GNS: variants seen among roughly 807,000 people sequenced by gnomAD.
GNS encodes the protein glucosamine (N-acetyl)-6-sulfatase.
A neutral mutation model predicts 69.7 loss-of-function variants in GNS; 40 were observed. That is an observed-to-expected ratio of 0.57 (90% CI 0.45 to 0.75). The LOEUF is 0.75. GNS is among the 30% of genes least tolerant of loss of function. The pLI, the probability that GNS is intolerant of heterozygous loss-of-function variation, is 0.00. For synonymous variants in GNS, 243 were observed against 251.6 expected, an observed-to-expected ratio of 0.97 and a Z score of 0.32; for missense variants, 565 against 685.5, an observed-to-expected ratio of 0.82 and a Z score of 1.96.
intron 2 of GNS, 93 bp from the exon 3 acceptor site, chr12:64,748,011 C>T: frequency 1.3e-6 from 1 of 766,888 alleles, no homozygotes; most frequent in Non-Finnish European, 2.4e-6. Context: ...CTCCTTAATA[C>T]TCTAACTTCA....
At chr12:64,734,106 C>T (rs1044041530) in intron 9 of GNS, among the ~76,000 whole-genome samples, 5 of 152,144 alleles carry the variant, frequency 3.3e-5, no homozygotes, top group African/African-American at 4.8e-5. Context: ...CCATCGTCTC[C>T]GACATTCTTT....
chr12:64,752,572 T>G, intron 2 of GNS, 126 bp downstream of exon 2: 1 of 657,646 alleles, frequency 1.5e-6, no homozygotes, highest in African/African-American at 1.8e-5. Flanking sequence ...AATAAATCCT[T>G]CCTTCAGATC....
At chr12:64,758,937 C>A in intron 1 of GNS, 148 bp downstream of exon 1, 1 of 718,912 alleles carries the variant, frequency 1.4e-6, no homozygotes, top group Non-Finnish European at 2.5e-6. Flanking sequence ...CTTACACCGG[C>A]ATAAAGGGCC....
At position 64,756,867 on chromosome 12, in the gene GNS, GA is replaced by G. The variant is rs1184850633; in HGVS notation, c.192+2217del. ...CAGTAGAAACACTTATTAAAAAAAA[GA>G]ATCTGGGCCGAGACAGTGGCTCATG... On this transcript the variant is annotated intron_variant, in intron 1 of 13. Coordinates refer to ENST00000258145, the MANE Select transcript of GNS (RefSeq NM_002076.4). 4.8e-6 allele frequency: 3 copies of G among 627,150 alleles called. No individual in the cohort carries two copies. The East Asian group carries it at 8.6e-5, about 18-fold the overall frequency. 38.8% of individuals were successfully genotyped at this position (627,150 alleles called of 1,614,324 possible). A position where few individuals can be genotyped will look rare whatever the true frequency, so the allele number is the denominator to read the frequency against.
intron 5 of GNS, among the ~76,000 whole-genome samples, chr12:64,743,871 C>T (rs1254493100): frequency 2.0e-5 from 3 of 152,208 alleles, no homozygotes; most frequent in Non-Finnish European, 4.4e-5. Flanking sequence ...AAAATGAAAG[C>T]ATGCTACATA....
At chr12:64,753,097 T>A (rs1038638556) in intron 1 of GNS, 1 of 305,026 alleles carries the variant, frequency 3.3e-6, no homozygotes, top group Non-Finnish European at 6.1e-6. Flanking sequence ...ATGTGGGAAA[T>A]GATATAAAGG....
At position 64,751,951 on chromosome 12, in the gene GNS, C is replaced by CAAAA. The variant is rs570528616; in HGVS notation, c.252+743_252+746dup. ...TGCAGTGAGTCGAGATTGCGCCACT[C>CAAAA]AAAAAAAAAAAAAAAAAAAGAAGAA... On this transcript the variant is annotated intron_variant, in intron 2 of 13. Coordinates refer to ENST00000258145, the MANE Select transcript of GNS (RefSeq NM_002076.4). 6.6e-3 allele frequency among the ~76,000 whole-genome samples: 426 copies of CAAAA among 64,760 alleles called. 1 individual carries two copies. Among genetic ancestry groups the CAAAA allele is most frequent in the African/African-American group, 0.026 (411 of 15,730 alleles). The allele number at this position is 64,760 out of a possible 152,430, so 42.5% of individuals were successfully genotyped here. A position where few individuals can be genotyped will look rare whatever the true frequency, so the allele number is the denominator to read the frequency against.
At chr12:64,754,851 T>C (rs1201012738) in intron 1 of GNS, among the ~76,000 whole-genome samples, 2 of 150,668 alleles carry the variant, frequency 1.3e-5, no homozygotes, top group Non-Finnish European at 2.9e-5. Flanking sequence ...ACTGCACCAC[T>C]GCAATCTAGC....
At chr12:64,724,029 G>A (rs906790248) in intron 10 of GNS, among the ~76,000 whole-genome samples, 3 of 152,196 alleles carry the variant, frequency 2.0e-5, no homozygotes. Context: ...ATTCATAACA[G>A]TCAAAAAGTG....
chr12:64,714,217 G>A lies in GNS; in HGVS notation c.*2524C>T, dbSNP rs889348909. 2.0e-5 allele frequency: 3 copies of A among 152,212 alleles called. No individual in the cohort carries two copies. The highest frequency in any genetic ancestry group is 4.4e-5 in the Non-Finnish European group (3 of 68,054). 9.4% of individuals were successfully genotyped at this position (152,212 alleles called of 1,614,324 possible). Reference sequence around the variant, plus strand: ...TACTTTGCATGAGAGGGAGAGCTTTGTAACAGGAAATTGTATAAGGCAAAC... The same window carrying A: ...TACTTTGCATGAGAGGGAGAGCTTTATAACAGGAAATTGTATAAGGCAAAC... On this transcript the variant is annotated 3_prime_UTR_variant, in exon 14 of 14. Coordinates refer to ENST00000258145, the MANE Select transcript of GNS (RefSeq NM_002076.4).
At position 64,742,076 on chromosome 12, in the gene GNS, A is replaced by G. The variant is rs550889376; in HGVS notation, c.792+1065T>C. On this transcript the variant is annotated intron_variant, in intron 6 of 13. Coordinates refer to ENST00000258145, the MANE Select transcript of GNS (RefSeq NM_002076.4). Reference sequence around the variant, plus strand: ...TGCACTGTTTCCCAGGCTGGAGTGCAGTGGTGCGATCTCGGCTCACGGCAA... The same window carrying G: ...TGCACTGTTTCCCAGGCTGGAGTGCGGTGGTGCGATCTCGGCTCACGGCAA... 2.0e-5 allele frequency among the ~76,000 whole-genome samples: 3 copies of G among 152,002 alleles called. No homozygotes were observed. In the South Asian group the frequency reaches 6.2e-4, roughly 32 times the overall value.
At chr12:64,729,099 T>C in intron 9 of GNS, 42 bp from the exon 10 acceptor site, 1 of 1,052,464 alleles carries the variant, frequency 9.5e-7, no homozygotes, top group Non-Finnish European at 1.5e-6. Context: ...ACAGCTGGTC[T>C]CATTTTCCTT....
intron 10 of GNS, among the ~76,000 whole-genome samples, chr12:64,723,589 T>C (rs1869101496): frequency 6.6e-6 from 1 of 152,222 alleles, no homozygotes; most frequent in Admixed American, 6.5e-5. Flanking sequence ...CACCTCTTGA[T>C]GGTCAGAATG....
At chr12:64,754,847 C>T (rs1346820297) in intron 1 of GNS, among the ~76,000 whole-genome samples, 2 of 151,408 alleles carry the variant, frequency 1.3e-5, no homozygotes, top group Admixed American at 6.6e-5. Context: ...TATGACTGCA[C>T]CACTGCAATC....
intron 9 of GNS, among the ~76,000 whole-genome samples, chr12:64,730,365 CAA>C (rs1003089374): frequency 3.4e-5 from 3 of 87,680 alleles, no homozygotes; most frequent in Non-Finnish European, 6.8e-5. Flanking sequence ...GGAGATAAAA[CAA>C]AACAAAAACA....
At chr12:64,741,343 T>C (rs1031483221) in intron 6 of GNS, among the ~76,000 whole-genome samples, 3 of 151,596 alleles carry the variant, frequency 2.0e-5, no homozygotes, top group African/African-American at 4.8e-5. Context: ...TGGAGTACAG[T>C]GGCACGATCT....
intron 10 of GNS, among the ~76,000 whole-genome samples, chr12:64,726,408 G>A (rs1405764396): frequency 6.6e-6 from 1 of 152,164 alleles, no homozygotes; most frequent in Non-Finnish European, 1.5e-5. Context: ...GGACTTGGAT[G>A]TAAGAGGCAG....
intron 9 of GNS, chr12:64,729,275 C>T: frequency 1.9e-6 from 1 of 536,768 alleles, no homozygotes. Flanking sequence ...AGTATATCCC[C>T]CTGGCAAGTT....
At chr12:64,730,240 A>G (rs564495) in intron 9 of GNS, among the ~76,000 whole-genome samples, 96,234 of 151,904 alleles carry the variant, frequency 0.63, 30,960 homozygotes, top group East Asian at 0.88. Context: ...TGAAACACAA[A>G]TCACTGAAGC....
Sources: gnomAD v4.1 joint callset for allele counts (sites outside exome capture counted in the v4.1 genomes callset) on GRCh38, gnomAD v4.1.1 for gene constraint, MANE v1.5 for transcripts, NCBI Gene and HGNC (gene_info 2026-07-23, HGNC 2026-07-21) for gene names.